NRXN3: variants seen among roughly 807,000 people sequenced by gnomAD.
NRXN3 encodes neurexin 3, also known as neurexin III.
A neutral mutation model predicts 137.6 loss-of-function variants in NRXN3; 32 were observed. That is an observed-to-expected ratio of 0.23 (90% confidence interval 0.18 to 0.31). NRXN3 has a LOEUF of 0.31. NRXN3 is among the 10% of genes least tolerant of loss of function. The pLI, the probability that NRXN3 is intolerant of heterozygous loss-of-function variation, is 1.00. For missense variants in NRXN3, 1,574 were observed against 2,062.5 expected, an observed-to-expected ratio of 0.76 and a Z score of 4.59; for synonymous variants, 798 against 784.5, an observed-to-expected ratio of 1.02 and a Z score of -0.29.
chr14:79,107,365 G>T (rs1596023973), intron 15 of NRXN3, among the ~76,000 whole-genome samples: 2 of 152,228 alleles, frequency 1.3e-5, no homozygotes, highest in South Asian at 2.1e-4. Flanking sequence ...GGGGATTAAT[G>T]CTTGGCAGAG....
chr14:78,693,981 T>C (rs762128377), intron 6 of NRXN3, among the ~76,000 whole-genome samples: 3 of 151,968 alleles, frequency 2.0e-5, no homozygotes, highest in Non-Finnish European at 2.9e-5. Context: ...CTCTCATTTC[T>C]TGCCATCCGT....
intron 15 of NRXN3, among the ~76,000 whole-genome samples, chr14:79,214,178 C>A (rs2068124095): frequency 6.6e-6 from 1 of 152,158 alleles, no homozygotes; most frequent in Admixed American, 6.6e-5. Context: ...TGGCATATTA[C>A]ATATTACTCT....
intron 2 of NRXN3, among the ~76,000 whole-genome samples, chr14:78,278,354 T>G (rs1035740376): frequency 1.3e-5 from 2 of 152,200 alleles, no homozygotes; most frequent in Non-Finnish European, 2.9e-5. Context: ...CTTGGCTCTT[T>G]GAAGCCCTAT....
intron 15 of NRXN3, among the ~76,000 whole-genome samples, chr14:79,268,569 C>T (rs1053490804): frequency 1.3e-5 from 2 of 152,194 alleles, no homozygotes; most frequent in African/African-American, 4.8e-5. Flanking sequence ...ACCTCATCCA[C>T]ATTCCAGAAA....
At chr14:78,634,273 C>T (rs996221140) in intron 4 of NRXN3, among the ~76,000 whole-genome samples, 10 of 152,148 alleles carry the variant, frequency 6.6e-5, no homozygotes, top group Non-Finnish European at 1.3e-4. Context: ...CCAGAAAGAG[C>T]GTGGAAAGCA....
At chr14:78,767,062 T>A (rs74064953) in intron 8 of NRXN3, among the ~76,000 whole-genome samples, 15,330 of 152,236 alleles carry the variant, frequency 0.1, 843 homozygotes, top group South Asian at 0.18. Flanking sequence ...TCACCATTTC[T>A]GTAGGTCCTA....
At chr14:79,470,949 AGAGT>A (rs1359442322) in intron 16 of NRXN3, among the ~76,000 whole-genome samples, 257 of 57,350 alleles carry the variant, frequency 4.5e-3, no homozygotes, top group East Asian at 0.014. Context: ...AAAGAGAGAG[AGAGT>A]GTGTGTGTGT....
intron 16 of NRXN3, among the ~76,000 whole-genome samples, chr14:79,555,696 G>C (rs1414567242): frequency 6.6e-6 from 1 of 152,090 alleles, no homozygotes; most frequent in African/African-American, 2.4e-5. Context: ...AGGCATTCCA[G>C]GAAAAGGGAA....
rs1057511819 is a variant in NRXN3, at chr14:78,881,460, C to A, written c.2275+71116C>A. On this transcript the variant is annotated intron_variant, in intron 10 of 20. Transcript: ENST00000335750. ...ACAATGAAGTCCAAACTGAGGTGGT[C>A]TCAGATGGAGATGAGGAACTTGTTG... Among the ~76,000 whole-genome samples the A allele has an allele frequency of 5.3e-5, 8 of 151,642 alleles. 1 individual carries two copies. The highest frequency in any genetic ancestry group is 3.4e-3 in the Middle Eastern group (1 of 294).
intron 15 of NRXN3, among the ~76,000 whole-genome samples, chr14:79,240,506 A>G (rs988917086): frequency 7.9e-5 from 12 of 152,144 alleles, no homozygotes; most frequent in African/African-American, 2.9e-4. Flanking sequence ...TTTTCTAATC[A>G]GCATTGTTTT....
chr14:79,046,383 G>A (rs9323670), intron 15 of NRXN3, among the ~76,000 whole-genome samples: 57,428 of 152,070 alleles, frequency 0.38, 11,322 homozygotes, highest in Admixed American at 0.49. Context: ...AGGTCTAGAA[G>A]CTCATATCAG....
intron 1 of NRXN3, among the ~76,000 whole-genome samples, chr14:78,228,227 G>A (rs1445407950): frequency 2.8e-5 from 4 of 144,646 alleles, no homozygotes; most frequent in South Asian, 2.2e-4. Context: ...CGTGATCTCC[G>A]CTCACTGTAA....
intron 1 of NRXN3, among the ~76,000 whole-genome samples, chr14:78,190,130 C>T (rs911056303): frequency 6.6e-6 from 1 of 152,178 alleles, no homozygotes; most frequent in African/African-American, 2.4e-5. Context: ...TGAACAAATA[C>T]CTTTCCTTCC....
chr14:78,635,709 T>A (rs940380787), intron 4 of NRXN3, among the ~76,000 whole-genome samples: 2 of 152,174 alleles, frequency 1.3e-5, no homozygotes, highest in Admixed American at 6.5e-5. Context: ...CTTTTGATGA[T>A]TCTTTTTGGT....
intron 4 of NRXN3, among the ~76,000 whole-genome samples, chr14:78,381,868 T>G (rs1036302070): frequency 1.3e-5 from 2 of 152,246 alleles, no homozygotes; most frequent in Non-Finnish European, 2.9e-5. Context: ...TTCTTTATTC[T>G]TTCTTTAAAT....
intron 4 of NRXN3, among the ~76,000 whole-genome samples, chr14:78,359,860 T>C (rs1160504810): frequency 6.6e-6 from 1 of 152,168 alleles, no homozygotes; most frequent in Non-Finnish European, 1.5e-5. Context: ...GCAGGTGGAC[T>C]CGCTGTGGTT....
chr14:78,831,314 G>A (rs1461658379), intron 10 of NRXN3, among the ~76,000 whole-genome samples: 1 of 151,872 alleles, frequency 6.6e-6, no homozygotes, highest in South Asian at 2.1e-4. Flanking sequence ...TTGGGAGGTG[G>A]ATCACGAGGT....
chr14:79,303,869 C>G (rs562941474), intron 15 of NRXN3, among the ~76,000 whole-genome samples: 2 of 151,948 alleles, frequency 1.3e-5, no homozygotes, highest in Admixed American at 1.3e-4. Flanking sequence ...CTGGGGAAAT[C>G]TCTACACTTT....
chr14:79,769,597 C>A (rs778742410), intron 19 of NRXN3, among the ~76,000 whole-genome samples: 1 of 151,976 alleles, frequency 6.6e-6, no homozygotes, highest in African/African-American at 2.4e-5. Flanking sequence ...ACCACCAGGC[C>A]TGCCCTATAA....
Sources: allele counts gnomAD v4.1 joint callset (sites outside exome capture counted in the v4.1 genomes callset), GRCh38; gene constraint gnomAD v4.1.1; transcripts MANE v1.5; gene names NCBI Gene and HGNC (gene_info 2026-07-23, HGNC 2026-07-21).